The following DNAH10 variants were observed in gnomAD, a reference collection of about 807,000 sequenced individuals.
DNAH10 encodes axonemal beta dynein heavy chain 10.
DNAH10 carries 348 observed loss-of-function variants against 506.6 expected under a neutral mutation model. The observed-to-expected ratio is 0.69, with a 90% CI of 0.63 to 0.75. The LOEUF is 0.75. DNAH10 is among the 30% of genes least tolerant of loss of function. The probability of loss-of-function intolerance (pLI) is 0.00; values close to 1 mark genes in which losing one functional copy is unlikely to be tolerated. For missense variants in DNAH10, 5,179 were observed against 5,787.1 expected (o/e 0.89, Z 3.41); for synonymous variants, 2,059 against 2,198.6 (o/e 0.94, Z 1.78).
At chr12:123,807,858 G>C (rs1025642143) in intron 18 of DNAH10, among the ~76,000 whole-genome samples, 2 of 37,064 alleles carry the variant, frequency 5.4e-5, no homozygotes, top group Non-Finnish European at 1.1e-4. Flanking sequence ...GAGAAGCCTG[G>C]AGAGGGAGAG....
In DNAH10 at chr12:123,787,335, A is replaced by T. The variant is rs1219264743; in HGVS notation, c.1422-469A>T. On this transcript the variant is annotated intron_variant, in intron 9 of 78. Coordinates refer to ENST00000673944, the MANE Select transcript of DNAH10 (RefSeq NM_001372106.1). This position sits in a 1 kb window ranked among gnomAD's most constrained non-coding sequence, Gnocchi z 4.6. ...ATCAGACACTATATGACTTTTTGTT[A>T]TCTATAGATAGATATCTATATCTAT... Among the ~76,000 whole-genome samples, 1 of 152,140 alleles carries T rather than the reference A, an allele frequency of 6.6e-6. No individual in the cohort carries two copies. Among genetic ancestry groups the T allele is most frequent in the Non-Finnish European group, 1.5e-5 (1 of 68,038 alleles).
In DNAH10 at chr12:123,928,795, A is replaced by G; in HGVS notation, c.12306+208A>G. On this transcript the variant is annotated intron_variant, in intron 70 of 78. Transcript: ENST00000673944. The surrounding 1 kb of genome is among the most constrained non-coding windows in gnomAD (Gnocchi z 4.9). ...TTGGGTGTTTGTGACTCCCAGGCCT[A>G]TCTCTACCAATTCTGCATGTGTCCC... 5.0e-6 allele frequency: 3 copies of G among 604,928 alleles called. No individual in the cohort carries two copies. In the South Asian group the frequency reaches 6.2e-5, roughly 13 times the overall value. The allele number at this position is 604,928 out of a possible 1,614,324, so 37.5% of individuals were successfully genotyped here. A position where few individuals can be genotyped will look rare whatever the true frequency, so the allele number is the denominator to read the frequency against.
chr12:123,789,376 T>TTG (rs368474130), intron 10 of DNAH10, among the ~76,000 whole-genome samples: 1,538 of 149,524 alleles, frequency 0.01, 26 homozygotes, highest in African/African-American at 0.032. Context: ...TCTCACCTCT[T>TTG]TGTGTGTGTG....
chr12:123,871,887 T>G (rs1952050399), intron 45 of DNAH10, among the ~76,000 whole-genome samples: 1 of 152,224 alleles, frequency 6.6e-6, no homozygotes, highest in Admixed American at 6.5e-5. Flanking sequence ...TGTGGCTCTC[T>G]CCATGGATGG....
chr12:123,823,417 G>A (rs1959633883), intron 24 of DNAH10, among the ~76,000 whole-genome samples: 1 of 152,178 alleles, frequency 6.6e-6, no homozygotes, highest in Non-Finnish European at 1.5e-5. Context: ...CAGAAGGGAT[G>A]GGAGCTTGCA....
At chr12:123,848,433 TCAC>T (rs1350346722) in intron 33 of DNAH10, among the ~76,000 whole-genome samples, 2 of 152,130 alleles carry the variant, frequency 1.3e-5, no homozygotes, top group Non-Finnish European at 2.9e-5. Context: ...TGGTTCATAA[TCAC>T]CATTTGGGAA....
chr12:123,799,543 A>G (rs570793162), intron 14 of DNAH10, among the ~76,000 whole-genome samples, 172 bp downstream of exon 14: 108 of 152,200 alleles, frequency 7.1e-4, no homozygotes, highest in Non-Finnish European at 1.4e-3. Flanking sequence ...GCACGATGCC[A>G]TGGCTAGGAC....
chr12:123,818,811 C>A, intron 21 of DNAH10, 139 bp from the exon 22 acceptor site: 1 of 619,846 alleles, frequency 1.6e-6, no homozygotes, highest in Non-Finnish European at 2.9e-6. Context: ...ATATTTCAAT[C>A]AGCTTTTGAG....
In DNAH10 at chr12:123,919,946, G is replaced by T. The variant is rs891494094; in HGVS notation, c.11506+997G>T. 6.6e-6 allele frequency among the ~76,000 whole-genome samples: 1 copy of T among 152,216 alleles called. No individual in the cohort carries two copies. The highest frequency in any genetic ancestry group is 6.5e-5 in the Admixed American group (1 of 15,282). On this transcript the variant is annotated intron_variant, in intron 65 of 78. Transcript: ENST00000673944. This position sits in a 1 kb window ranked among gnomAD's most constrained non-coding sequence, Gnocchi z 4.9. ...TTTGTGTGCAGGTTTTTGTGTGAAT[G>T]TGTGTTTTTAATTCTCTTGGGGGTA...
intron 1 of DNAH10, among the ~76,000 whole-genome samples, chr12:123,767,160 G>A (rs556139957): frequency 1.3e-3 from 202 of 152,094 alleles, no homozygotes; most frequent in African/African-American, 4.2e-3. Flanking sequence ...CACCCACCTC[G>A]GCCTTCCAAA....
intron 52 of DNAH10, among the ~76,000 whole-genome samples, chr12:123,891,904 G>A (rs985237306): frequency 4.6e-5 from 7 of 152,174 alleles, no homozygotes; most frequent in African/African-American, 1.7e-4. Context: ...TCCTCTCTCC[G>A]GGGAGCCACA....
chr12:123,878,149 C>T (rs1389656441), intron 48 of DNAH10, among the ~76,000 whole-genome samples: 1 of 152,214 alleles, frequency 6.6e-6, no homozygotes, highest in African/African-American at 2.4e-5. Context: ...TATCACACCC[C>T]TTGGGCAGGC....
At position 123,787,761 on chromosome 12, in the gene DNAH10, G is replaced by A; in HGVS notation, c.1422-43G>A. The A allele has an allele frequency of 6.3e-7, 1 of 1,590,046 alleles. No homozygotes were observed. On this transcript the variant is annotated intron_variant, in intron 9 of 78. Coordinates refer to ENST00000673944, the MANE Select transcript of DNAH10 (RefSeq NM_001372106.1). The surrounding 1 kb of genome is among the most constrained non-coding windows in gnomAD (Gnocchi z 4.6). ...AGCCGGGGAGTGCGGCTCGGACCCG[G>A]AGCTCCGCCCTCCTCCCATCACGGC...
intron 46 of DNAH10, among the ~76,000 whole-genome samples, chr12:123,874,264 C>T (rs920078170): frequency 8.1e-5 from 10 of 123,774 alleles, no homozygotes; most frequent in African/African-American, 2.0e-4. Flanking sequence ...AGAGTCCGTC[C>T]GTCCATCCAT....
Position 123,785,561 on chromosome 12 carries a change from G to A in DNAH10, c.1231-185G>A, listed in dbSNP as rs536263115. ...TGAGGTGGGAGGATCACTTGAGTCC[G>A]CAGGGGAGTCGAGGCTGCAGTAAGC... On this transcript the variant is annotated intron_variant, in intron 8 of 78. Transcript: ENST00000673944. The surrounding 1 kb of genome is among the most constrained non-coding windows in gnomAD (Gnocchi z 4.1). Among the ~76,000 whole-genome samples, 142 of 151,198 alleles carry A rather than the reference G, an allele frequency of 9.4e-4. 1 individual carries two copies. Among genetic ancestry groups the A allele is most frequent in the Middle Eastern group, 3.4e-3 (1 of 292 alleles).
Position 123,931,693 on chromosome 12 carries a change from T to G in DNAH10, c.12974T>G (p.Ile4325Arg). The G allele has an allele frequency of 6.2e-7, 1 of 1,613,980 alleles. No homozygotes were observed. The highest frequency in any genetic ancestry group is 8.5e-7 in the Non-Finnish European group (1 of 1,179,888). The stretch of plus-strand genomic sequence containing the variant: ...TATATTGGCCAAGTGGCCAAAGAAA[T>G]AGAAAACAAGATGCCCAAAGTCTTT... ...DDYIGQVAKE[I>R]ENKMPKVFDL... is the part of the protein sequence containing the mutation. Residue 4325 changes from isoleucine (I) to arginine (R), a missense_variant, in exon 75 of 79, where the codon ATA (isoleucine) becomes AGA (arginine). Transcript: ENST00000673944.
Position 123,926,954 on chromosome 12 carries a change from G to C in DNAH10, c.12105+134G>C, listed in dbSNP as rs1566116001. ...GGATGCATTTCCGAGCTAAGAAGCAGTAATGAAACACTGGGAAGATGACAA... is the reference window on the plus strand; with the variant it reads ...GGATGCATTTCCGAGCTAAGAAGCACTAATGAAACACTGGGAAGATGACAA... On this transcript the variant is annotated intron_variant, in intron 69 of 78. Transcript: ENST00000673944. This position sits in a 1 kb window ranked among gnomAD's most constrained non-coding sequence, Gnocchi z 4.1. The C allele has an allele frequency of 1.1e-6, 1 of 918,256 alleles. No individual in the cohort carries two copies. Among genetic ancestry groups the C allele is most frequent in the East Asian group, 2.6e-5 (1 of 37,864 alleles). 56.9% of individuals were successfully genotyped at this position (918,256 alleles called of 1,614,324 possible).
chr12:123,892,382 G>T (rs1475650824), intron 52 of DNAH10, among the ~76,000 whole-genome samples: 1 of 152,090 alleles, frequency 6.6e-6, no homozygotes, highest in Non-Finnish European at 1.5e-5. Flanking sequence ...ACTCACTCGC[G>T]CTCACAAGAA....
At chr12:123,905,901 T>C (rs1207924624) in intron 57 of DNAH10, among the ~76,000 whole-genome samples, 3 of 152,130 alleles carry the variant, frequency 2.0e-5, no homozygotes, top group African/African-American at 4.8e-5. Flanking sequence ...ATGTGGCAGG[T>C]TTTAGCAATA....
Sources: gnomAD v4.1 joint callset for allele counts (sites outside exome capture counted in the v4.1 genomes callset) on GRCh38, gnomAD v4.1.1 for gene constraint, Gnocchi (gnomAD v3.1) non-coding constraint, MANE v1.5 for transcripts, NCBI Gene and HGNC (gene_info 2026-07-23, HGNC 2026-07-21) for gene names.